The following ARHGAP25 variants were observed in gnomAD, a reference collection of about 807,000 sequenced individuals.
The protein encoded by ARHGAP25 is Rho GTPase activating protein 25.
In ARHGAP25, 34 loss-of-function variants were observed where a neutral mutation model predicts 71.0. That is an observed-to-expected ratio of 0.48 (90% CI 0.36 to 0.64). The LOEUF (loss-of-function observed/expected upper bound fraction) is 0.64, where lower values mean the gene tolerates loss of function less well. ARHGAP25 is among the 30% of genes least tolerant of loss of function. The probability of loss-of-function intolerance (pLI) is 0.00; values close to 1 mark genes in which losing one functional copy is unlikely to be tolerated. For synonymous variants in ARHGAP25, 282 were observed against 296.5 expected (o/e 0.95, Z 0.50); for missense variants, 706 against 805.1 (o/e 0.88, Z 1.49).
intron 5 of ARHGAP25, among the ~76,000 whole-genome samples, chr2:68,811,067 T>G (rs1348874523): frequency 6.6e-6 from 1 of 152,216 alleles, no homozygotes; most frequent in Non-Finnish European, 1.5e-5. Context: ...GAATTATCCT[T>G]TACACTGTTT....
intron 1 of ARHGAP25, among the ~76,000 whole-genome samples, chr2:68,762,218 C>T (rs192030409): frequency 3.0e-4 from 46 of 152,132 alleles, no homozygotes; most frequent in Admixed American, 1.7e-3. Context: ...TGGTGGTTAC[C>T]AGGGCTAGGG....
intron 8 of ARHGAP25, 73 bp from the exon 9 acceptor site, chr2:68,819,050 C>T (rs1395171537): frequency 2.1e-5 from 28 of 1,342,100 alleles, no homozygotes; most frequent in South Asian, 6.2e-5. Flanking sequence ...GAGACATCCA[C>T]GGGTGGGGAT....
At chr2:68,777,026 C>T (rs905930824) in intron 2 of ARHGAP25, among the ~76,000 whole-genome samples, 1 of 152,092 alleles carries the variant, frequency 6.6e-6, no homozygotes, top group Non-Finnish European at 1.5e-5. Context: ...AGGGAAGGAT[C>T]GCAGGGACCC....
chr2:68,780,506 G>A (rs932892082), intron 2 of ARHGAP25, among the ~76,000 whole-genome samples: 1 of 151,812 alleles, frequency 6.6e-6, no homozygotes, highest in Admixed American at 6.6e-5. Flanking sequence ...TGTGTAGGTG[G>A]AGGTTATTTT....
At chr2:68,775,530 C>A in intron 2 of ARHGAP25, 110 bp downstream of exon 2, 1 of 1,519,624 alleles carries the variant, frequency 6.6e-7, no homozygotes, top group South Asian at 1.1e-5. Context: ...ACCAGACACA[C>A]CCATTGGAAA....
chr2:68,802,719 GA>G, intron 4 of ARHGAP25, among the ~76,000 whole-genome samples: 1 of 139,128 alleles, frequency 7.2e-6, no homozygotes, highest in Non-Finnish European at 1.5e-5. Flanking sequence ...GAGAGAGAGA[GA>G]GAGAGAGAGA....
At chr2:68,749,856 C>T (rs1676052642) in intron 1 of ARHGAP25, among the ~76,000 whole-genome samples, 1 of 152,226 alleles carries the variant, frequency 6.6e-6, no homozygotes, top group Non-Finnish European at 1.5e-5. Flanking sequence ...CCCAGAGCCA[C>T]AGCACAATGG....
Position 68,772,042 on chromosome 2 carries a change from G to A in ARHGAP25, c.62-3179G>A, listed in dbSNP as rs144917791. 2.8e-3 allele frequency among the ~76,000 whole-genome samples: 431 copies of A among 152,314 alleles called. 1 individual carries two copies. Among genetic ancestry groups the A allele is most frequent in the African/African-American group, 0.01 (416 of 41,566 alleles). ...GCAACGCACACGTGCTCCTAGGAGG[G>A]TTTTTTGTTTGTTTGTTTTTCTTAT... On this transcript the variant is annotated intron_variant, in intron 1 of 10. Coordinates refer to ENST00000409202, the MANE Select transcript of ARHGAP25 (RefSeq NM_001007231.3).
At chr2:68,825,766 G>A (rs919655077) in intron 10 of ARHGAP25, among the ~76,000 whole-genome samples, 2 of 151,880 alleles carry the variant, frequency 1.3e-5, no homozygotes, top group African/African-American at 4.8e-5. Flanking sequence ...GCAACAGAGC[G>A]AGACTCCATC....
At chr2:68,776,600 C>T (rs1349043422) in intron 2 of ARHGAP25, among the ~76,000 whole-genome samples, 6 of 152,090 alleles carry the variant, frequency 3.9e-5, no homozygotes, top group African/African-American at 9.7e-5. Context: ...TAGGTCTCTT[C>T]GGCCAACCTC....
intron 2 of ARHGAP25, among the ~76,000 whole-genome samples, chr2:68,724,108 T>A (rs1674828139): frequency 6.6e-6 from 1 of 152,128 alleles, no homozygotes; most frequent in Admixed American, 6.5e-5. Context: ...GATGAGCCAC[T>A]GGGGCCAGAG....
chr2:68,785,710 G>A (rs1678711788), intron 3 of ARHGAP25, among the ~76,000 whole-genome samples: 1 of 152,078 alleles, frequency 6.6e-6, no homozygotes, highest in Non-Finnish European at 1.5e-5. Flanking sequence ...CTTGGAGTAG[G>A]GGGAAGAAAG....
At chr2:68,754,918 T>C (rs1324467274) in intron 1 of ARHGAP25, among the ~76,000 whole-genome samples, 1 of 144,954 alleles carries the variant, frequency 6.9e-6, no homozygotes, top group Non-Finnish European at 1.5e-5. Flanking sequence ...GTTTTCTTAT[T>C]GTTGAGTTTT....
At chr2:68,711,832 T>C (rs1296584195) in intron 2 of ARHGAP25, among the ~76,000 whole-genome samples, 1 of 152,220 alleles carries the variant, frequency 6.6e-6, no homozygotes, top group Non-Finnish European at 1.5e-5. Context: ...TCCATGTCTC[T>C]GCAAAGGACA....
At chr2:68,808,508 C>A (rs1047105235) in intron 5 of ARHGAP25, among the ~76,000 whole-genome samples, 1 of 152,184 alleles carries the variant, frequency 6.6e-6, no homozygotes, top group African/African-American at 2.4e-5. Context: ...GTAGTTTGGA[C>A]AACCATAGGG....
At chr2:68,822,000 A>G (rs1372232802) in intron 9 of ARHGAP25, among the ~76,000 whole-genome samples, 1 of 148,304 alleles carries the variant, frequency 6.7e-6, no homozygotes, top group East Asian at 2.0e-4. Context: ...CATGGAAATC[A>G]AAAGGTCAAA....
chr2:68,760,458 G>C (rs1011988447), intron 1 of ARHGAP25, among the ~76,000 whole-genome samples: 11 of 151,992 alleles, frequency 7.2e-5, no homozygotes, highest in African/African-American at 2.4e-4. Flanking sequence ...CGACCAAAAA[G>C]CTGTTAGAAC....
intron 1 of ARHGAP25, chr2:68,774,939 A>C (rs1324319345): frequency 7.1e-7 from 1 of 1,410,034 alleles, no homozygotes; most frequent in Non-Finnish European, 9.2e-7. Flanking sequence ...TTCGGTTTGC[A>C]GAATGACGGG....
chr2:68,768,410 T>C (rs931214157), intron 1 of ARHGAP25, among the ~76,000 whole-genome samples: 3 of 152,232 alleles, frequency 2.0e-5, no homozygotes, highest in South Asian at 2.1e-4. Context: ...AATGCCTGCA[T>C]GGTGGCTCAC....
Sources: gnomAD v4.1 joint callset for allele counts (sites outside exome capture counted in the v4.1 genomes callset) on GRCh38, gnomAD v4.1.1 for gene constraint, MANE v1.5 for transcripts, NCBI Gene and HGNC (gene_info 2026-07-23, HGNC 2026-07-21) for gene names.